Variants in KIF2A observed in about 807,000 individuals in gnomAD.
KIF2A encodes the protein kinesin family member 2A.
A neutral mutation model predicts 100.2 loss-of-function variants in KIF2A; 22 were observed. The observed-to-expected ratio is 0.22, with a 90% CI of 0.16 to 0.31. The LOEUF (loss-of-function observed/expected upper bound fraction) is 0.31. Ranked by LOEUF, KIF2A falls within the 10% of genes least tolerant of loss-of-function variation. The probability of loss-of-function intolerance (pLI) is 1.00; values close to 1 mark genes in which losing one functional copy is unlikely to be tolerated. For missense variants in KIF2A, 495 were observed against 898.7 expected (o/e 0.55, Z 5.74); for synonymous variants, 268 against 285.9 (o/e 0.94, Z 0.63).
chr5:62,345,944 A>G (rs926358298), intron 1 of KIF2A, among the ~76,000 whole-genome samples: 1 of 152,228 alleles, frequency 6.6e-6, no homozygotes, highest in Middle Eastern at 3.4e-3. Flanking sequence ...AAAGTATTTT[A>G]TATATGTATA....
chr5:62,388,007 CTA>C lies in KIF2A; in HGVS notation c.*2440_*2441del, dbSNP rs1258990536. ...TAGAAACAAAATAGCTACTATAACT[CTA>C]TTATAGTATATTAACAGCACTTAGT... On this transcript the variant is annotated 3_prime_UTR_variant, in exon 21 of 21. Transcript: ENST00000407818. The C allele has an allele frequency of 1.3e-5, 2 of 151,890 alleles. No individual in the cohort carries two copies. Among genetic ancestry groups the C allele is most frequent in the Non-Finnish European group, 2.9e-5 (2 of 67,948 alleles). The allele number at this position is 151,890 out of a possible 1,614,324, so 9.4% of individuals were successfully genotyped here.
intron 1 of KIF2A, among the ~76,000 whole-genome samples, chr5:62,310,590 G>T (rs1273544666): frequency 6.6e-6 from 1 of 150,590 alleles, no homozygotes; most frequent in Non-Finnish European, 1.5e-5. Flanking sequence ...TCTACTTCCC[G>T]CTGGCCTGTT....
intron 18 of KIF2A, 71 bp from the exon 19 acceptor site, chr5:62,377,590 T>A (rs1343634620): frequency 2.5e-6 from 2 of 793,770 alleles, no homozygotes; most frequent in Non-Finnish European, 3.8e-6. Flanking sequence ...TTTTCTAAAT[T>A]AAAAAAAACT....
At chr5:62,318,586 TTTC>T (rs749732895) in intron 1 of KIF2A, among the ~76,000 whole-genome samples, 225 of 152,194 alleles carry the variant, frequency 1.5e-3, no homozygotes, top group Non-Finnish European at 2.6e-3. Flanking sequence ...CTGTTTTGGG[TTTC>T]CATTAAGAAC....
intron 1 of KIF2A, among the ~76,000 whole-genome samples, chr5:62,330,549 T>C (rs1031060783): frequency 1.3e-5 from 2 of 152,208 alleles, no homozygotes; most frequent in Admixed American, 1.3e-4. Context: ...ACTCATCTTC[T>C]GGAAACAACA....
At chr5:62,329,689 T>G (rs999212682) in intron 1 of KIF2A, among the ~76,000 whole-genome samples, 2 of 152,238 alleles carry the variant, frequency 1.3e-5, no homozygotes, top group African/African-American at 4.8e-5. Flanking sequence ...AATGCTTTTT[T>G]GTAGCATCCT....
chr5:62,326,398 T>C (rs1223994392), intron 1 of KIF2A, among the ~76,000 whole-genome samples: 1 of 152,164 alleles, frequency 6.6e-6, no homozygotes. Flanking sequence ...CTCAGCAAAA[T>C]GACCTTGCTT....
intron 16 of KIF2A, among the ~76,000 whole-genome samples, chr5:62,371,837 C>T (rs1407999333): frequency 6.6e-6 from 1 of 152,120 alleles, no homozygotes; most frequent in Non-Finnish European, 1.5e-5. Flanking sequence ...TTAGCAAAAG[C>T]AATTTAAATT....
intron 1 of KIF2A, chr5:62,308,167 T>G: frequency 3.1e-6 from 1 of 323,898 alleles, no homozygotes; most frequent in Non-Finnish European, 5.7e-6. Context: ...TATGAAAAGA[T>G]AAATTATACC....
rs530035993 is a variant in KIF2A at position 62,352,724 on chromosome 5, G to A, written c.457+14G>A. On this transcript the variant is annotated intron_variant, in intron 5 of 20. Transcript: ENST00000407818. ...TTGGACCCCCTTGTATGTAAATTAT[G>A]TATCAAGGATTTAGTCATTTTAGGC... The A allele has an allele frequency of 3.7e-6, 6 of 1,606,524 alleles. No homozygotes were observed. In the East Asian group the frequency reaches 6.7e-5, roughly 18 times the overall value.
chr5:62,322,934 T>TAAAAAAAAAAAAA (rs200112197), intron 1 of KIF2A, among the ~76,000 whole-genome samples: 51 of 97,948 alleles, frequency 5.2e-4, no homozygotes, highest in African/African-American at 1.3e-3. Context: ...TTCAATTTAG[T>TAAAAAAAAAAAAA]AAAAAAAAAA....
Position 62,358,311 on chromosome 5 carries a change from C to A in KIF2A, c.872+12C>A, listed in dbSNP as rs542499569. The A allele has an allele frequency of 1.3e-6, 2 of 1,527,872 alleles. No homozygotes were observed. The highest frequency in any genetic ancestry group is 3.5e-4 in the Middle Eastern group (2 of 5,734). The allele number at this position is 1,527,872 out of a possible 1,614,324, so 94.6% of individuals were successfully genotyped here. Reference sequence around the variant, plus strand: ...GAAATGGTTTACAGGTAGGTAAATTCATTTTAAATCAGAATTTTGTTCTTA... The same window carrying A: ...GAAATGGTTTACAGGTAGGTAAATTAATTTTAAATCAGAATTTTGTTCTTA... On this transcript the variant is annotated intron_variant, in intron 9 of 20. Coordinates refer to ENST00000407818, the MANE Select transcript of KIF2A (RefSeq NM_001098511.3).
chr5:62,382,167 T>TGTG (rs1357603423), intron 20 of KIF2A, among the ~76,000 whole-genome samples: 1 of 152,238 alleles, frequency 6.6e-6, no homozygotes, highest in African/African-American at 2.4e-5. Flanking sequence ...GGAGGCCCTC[T>TGTG]GTGATGTTGA....
chr5:62,325,772 A>G (rs560434195), intron 1 of KIF2A, among the ~76,000 whole-genome samples: 144 of 152,356 alleles, frequency 9.5e-4, no homozygotes, highest in African/African-American at 3.1e-3. Flanking sequence ...CAACCCAACA[A>G]TCCCACTACC....
At chr5:62,336,182 T>A (rs912568083) in intron 1 of KIF2A, among the ~76,000 whole-genome samples, 6 of 152,326 alleles carry the variant, frequency 3.9e-5, no homozygotes, top group African/African-American at 1.4e-4. Context: ...GAAGCAGGCA[T>A]GGATGTCAAA....
intron 2 of KIF2A, among the ~76,000 whole-genome samples, chr5:62,347,698 T>C (rs1747644595): frequency 6.6e-6 from 1 of 152,122 alleles, no homozygotes; most frequent in Non-Finnish European, 1.5e-5. Context: ...TGATCATGGC[T>C]TACTGCAGCC....
At chr5:62,357,086 CT>C (rs948979287) in intron 7 of KIF2A, among the ~76,000 whole-genome samples, 125 of 135,778 alleles carry the variant, frequency 9.2e-4, no homozygotes, top group Non-Finnish European at 8.2e-4. Flanking sequence ...ATCACAACTT[CT>C]TTTTTTTTTT....
chr5:62,388,407 T>C lies in KIF2A; in HGVS notation c.*2838T>C, dbSNP rs1309934412. 6.6e-6 allele frequency: 1 copy of C among 152,350 alleles called. No homozygotes were observed. The highest frequency in any genetic ancestry group is 1.9e-4 in the East Asian group (1 of 5,200). 9.4% of individuals were successfully genotyped at this position (152,350 alleles called of 1,614,324 possible). ...GCACTGCACGGTGGCAGTAGCAGAC[T>C]TGGGCTTACCCAGAACCCTAAGTCT... On this transcript the variant is annotated 3_prime_UTR_variant, in exon 21 of 21. Transcript: ENST00000407818.
At chr5:62,382,417 G>C (rs776358641) in intron 20 of KIF2A, among the ~76,000 whole-genome samples, 3 of 152,098 alleles carry the variant, frequency 2.0e-5, no homozygotes, top group African/African-American at 4.8e-5. Flanking sequence ...CTCTGGTTTG[G>C]GCAACACAGT....
Sources: allele counts gnomAD v4.1 joint callset (sites outside exome capture counted in the v4.1 genomes callset), GRCh38; gene constraint gnomAD v4.1.1; transcripts MANE v1.5; gene names NCBI Gene and HGNC (gene_info 2026-07-23, HGNC 2026-07-21).